Variants in COL4A4 observed in about 807,000 individuals in gnomAD.
COL4A4 encodes collagen alpha-4(IV) chain.
COL4A4 carries 105 observed loss-of-function variants against 192.9 expected under a neutral mutation model. The observed-to-expected ratio is 0.54, with a 90% confidence interval of 0.46 to 0.64. The LOEUF (loss-of-function observed/expected upper bound fraction) is 0.64. COL4A4 is among the 30% of genes least tolerant of loss of function. COL4A4 has a pLI of 0.00. For synonymous variants in COL4A4, 762 were observed against 769.9 expected (o/e 0.99, Z 0.17); for missense variants, 1,967 against 2,169.3 (o/e 0.91, Z 1.85).
rs199748684 is a variant in COL4A4 at position 227,121,136 on chromosome 2, G to T, written c.205C>A (p.Pro69Thr). 9.3e-6 allele frequency: 15 copies of T among 1,614,026 alleles called. No individual in the cohort carries two copies. In the African/African-American group the frequency reaches 2.0e-4, roughly 22 times the overall value. The change falls in exon 5 of 48, where the codon CCA becomes ACA. Residue 69 changes from proline (P) to threonine (T), a missense_variant. Transcript: ENST00000396625. ...CCAATTGGACCCTGTGGCCCTGGTG[G>T]TCCTGGTGGACCCTGAGAAGGAAGA... is the stretch of plus-strand genomic sequence containing the variant. The part of the protein sequence containing the change: ...PEKGSRGPPG[P>T]PGPQGPIGPL...
intron 38 of COL4A4, 34 bp downstream of exon 38, chr2:227,033,376 A>C (rs1968836821): frequency 2.6e-6 from 4 of 1,536,338 alleles, no homozygotes; most frequent in African/African-American, 1.4e-5. Flanking sequence ...CATGGACTGA[A>C]GCTCAGTCTG....
chr2:227,089,588 C>CATATATATATATATAT (rs527917534), intron 21 of COL4A4, among the ~76,000 whole-genome samples: 3,640 of 101,032 alleles, frequency 0.036, 236 homozygotes, highest in Non-Finnish European at 0.049. Flanking sequence ...GCAAATGTTC[C>CATATATATATATATAT]ATATATATAT....
chr2:227,033,214 G>A (rs1968802678), intron 38 of COL4A4, among the ~76,000 whole-genome samples, 196 bp downstream of exon 38: 1 of 152,030 alleles, frequency 6.6e-6, no homozygotes, highest in African/African-American at 2.4e-5. Flanking sequence ...TCTTAAATAG[G>A]GTTTTCTCAA....
At chr2:226,973,067 G>A in the COL4A4 span, among the ~76,000 whole-genome samples, 1 of 152,158 alleles carries the variant, frequency 6.6e-6, no homozygotes, top group Non-Finnish European at 1.5e-5. Flanking sequence ...GTTGTGCCCT[G>A]TGGCTGCCAT....
the COL4A4 span, among the ~76,000 whole-genome samples, chr2:226,994,989 C>T: frequency 2.8e-3 from 431 of 151,716 alleles, 2 homozygotes; most frequent in Middle Eastern, 6.8e-3. Flanking sequence ...GGGCAGGAGG[C>T]GGCACATTAG....
intron 1 of COL4A4, among the ~76,000 whole-genome samples, chr2:227,161,938 A>T (rs1408164046): frequency 1.3e-5 from 2 of 151,628 alleles, no homozygotes; most frequent in East Asian, 3.8e-4. Flanking sequence ...CTTTGTACAA[A>T]AAAAAAAAAA....
rs954866330 is a variant in COL4A4, at chr2:227,078,212, TAAAATA to T, written c.1804-141_1804-136del. The T allele has an allele frequency of 5.6e-6, 4 of 719,734 alleles. No homozygotes were observed. The African/African-American group carries it at 7.2e-5, about 13-fold the overall frequency. The allele number at this position is 719,734 out of a possible 1,614,324, so 44.6% of individuals were successfully genotyped here. ...AGTTACTCTTAAGCAAATGTAAGTT[TAAAATA>T]AATAACTTAGATACTTTTTAATATT... On this transcript the variant is annotated intron_variant, in intron 24 of 47. Coordinates refer to ENST00000396625, the MANE Select transcript of COL4A4 (RefSeq NM_000092.5).
chr2:227,015,262 G>A lies in COL4A4; in HGVS notation c.4217-2965C>T, dbSNP rs138620734. 2.0e-4 allele frequency among the ~76,000 whole-genome samples: 31 copies of A among 152,224 alleles called. No individual in the cohort carries two copies. In the East Asian group the frequency reaches 5.4e-3, roughly 27 times the overall value. On this transcript the variant is annotated intron_variant, in intron 44 of 47. Transcript: ENST00000396625. The stretch of plus-strand genomic sequence containing the variant: ...ATTTCTTCATGATAATCAGGGATGC[G>A]TATAAGTAAGATATCATTACCAGTT...
At chr2:227,054,247 C>G (rs1279834603) in intron 31 of COL4A4, among the ~76,000 whole-genome samples, 1 of 152,202 alleles carries the variant, frequency 6.6e-6, no homozygotes, top group African/African-American at 2.4e-5. Context: ...ACAGGAAGAG[C>G]TTACCAACTT....
chr2:227,142,721 A>T (rs951162365), intron 3 of COL4A4, among the ~76,000 whole-genome samples: 1 of 150,998 alleles, frequency 6.6e-6, no homozygotes. Flanking sequence ...GTACCACTGC[A>T]CTCCAGCTTG....
chr2:227,163,659 C>T (rs79438818), intron 1 of COL4A4, among the ~76,000 whole-genome samples: 1,553 of 152,314 alleles, frequency 0.01, 53 homozygotes, highest in East Asian at 0.072. Flanking sequence ...TCTTGTTTTG[C>T]CCTGCATTTC....
intron 5 of COL4A4, 156 bp downstream of exon 5, chr2:227,120,858 G>T (rs1226024978): frequency 1.1e-6 from 1 of 895,032 alleles, no homozygotes; most frequent in Non-Finnish European, 1.7e-6. Context: ...AGGCTCGCTT[G>T]AACCTGGGAG....
chr2:227,099,137 G>C (rs573526211), intron 18 of COL4A4, among the ~76,000 whole-genome samples: 1 of 152,146 alleles, frequency 6.6e-6, no homozygotes, highest in African/African-American at 2.4e-5. Flanking sequence ...CATGATCTCA[G>C]CTCACTGCAA....
In COL4A4 at chr2:227,022,137, G is replaced by T; in HGVS notation, c.4127C>A (p.Pro1376His). 6.2e-7 allele frequency: 1 copy of T among 1,614,058 alleles called. No individual in the cohort carries two copies. The highest frequency in any genetic ancestry group is 8.5e-7 in the Non-Finnish European group (1 of 1,180,016). ...PGPPADVDDC[P>H]RIPGLPGAPG... is the part of the protein sequence containing the mutation. ...CGCCCCAGGAAGGCCTGGGATTCGG[G>T]GACAGTCATCCACATCTGCAGGTGG... The change falls in exon 44 of 48, where the codon CCC (proline) becomes CAC (histidine). Residue 1376 changes from proline to histidine, a missense_variant. By Grantham distance (77) the Pro-to-His change is moderately conservative. Transcript: ENST00000396625.
intron 12 of COL4A4, among the ~76,000 whole-genome samples, chr2:227,108,133 G>A (rs1304373524): frequency 2.0e-5 from 3 of 152,118 alleles, no homozygotes; most frequent in Non-Finnish European, 2.9e-5. Context: ...GAGTGGCAGG[G>A]GGAGGAGACG....
chr2:227,117,608 C>T (rs2061558933), intron 7 of COL4A4, among the ~76,000 whole-genome samples: 1 of 148,788 alleles, frequency 6.7e-6, no homozygotes, highest in Admixed American at 6.7e-5. Context: ...TAGAAAGAAA[C>T]TTGTGAAATG....
At chr2:227,026,498 CAA>C (rs1223060129) in intron 42 of COL4A4, among the ~76,000 whole-genome samples, 30 of 72,780 alleles carry the variant, frequency 4.1e-4, no homozygotes, top group Admixed American at 8.0e-4. Context: ...GACTCCGTCT[CAA>C]AAAAAAAAAA....
chr2:226,982,964 T>C, the COL4A4 span, among the ~76,000 whole-genome samples: 3 of 152,198 alleles, frequency 2.0e-5, no homozygotes, highest in African/African-American at 7.2e-5. Context: ...TCTTTTAAAA[T>C]CTACATCATC....
chr2:227,123,185 T>C lies in COL4A4; in HGVS notation c.193-2037A>G, dbSNP rs1321964837. ...CCAGGTGGGATGTCACTTTAGATAG[T>C]GCTGCTGGCCTTGGCCAGGCCCAGA... On this transcript the variant is annotated intron_variant, in intron 4 of 47. Coordinates refer to ENST00000396625, the MANE Select transcript of COL4A4 (RefSeq NM_000092.5). This position sits in a 1 kb window ranked among gnomAD's most constrained non-coding sequence, Gnocchi z 4.6. Among the ~76,000 whole-genome samples, 1 of 152,128 alleles carries C rather than the reference T, an allele frequency of 6.6e-6. No homozygotes were observed. The highest frequency in any genetic ancestry group is 1.5e-5 in the Non-Finnish European group (1 of 68,024).
Sources: gnomAD v4.1 joint callset for allele counts (sites outside exome capture counted in the v4.1 genomes callset) on GRCh38, gnomAD v4.1.1 for gene constraint, Gnocchi (gnomAD v3.1) non-coding constraint, MANE v1.5 for transcripts, NCBI Gene and HGNC (gene_info 2026-07-23, HGNC 2026-07-21) for gene names.